Variants in SLC16A9 observed in about 807,000 individuals in gnomAD.
SLC16A9 encodes monocarboxylate transporter 9.
Under a neutral mutation model 44.3 loss-of-function variants are expected in SLC16A9, and 26 were observed. The ratio of observed to expected loss-of-function variants is 0.59; its 90% CI spans 0.43 to 0.81. SLC16A9 has a LOEUF of 0.81. SLC16A9 is among the 40% of genes least tolerant of loss of function. The probability of loss-of-function intolerance (pLI) is 0.00; values close to 1 mark genes in which losing one functional copy is unlikely to be tolerated. For missense variants in SLC16A9, 559 were observed against 595.8 expected, an observed-to-expected ratio of 0.94 and a Z score of 0.64; for synonymous variants, 230 against 225.1, an observed-to-expected ratio of 1.02 and a Z score of -0.19.
At chr10:59,668,372 C>A (rs1839670460) in intron 3 of SLC16A9, among the ~76,000 whole-genome samples, 1 of 152,108 alleles carries the variant, frequency 6.6e-6, no homozygotes, top group African/African-American at 2.4e-5. Flanking sequence ...TCACACCATC[C>A]CCACTCCCCT....
intron 3 of SLC16A9, among the ~76,000 whole-genome samples, chr10:59,666,377 G>C (rs1337433178): frequency 6.6e-6 from 1 of 151,898 alleles, no homozygotes; most frequent in Non-Finnish European, 1.5e-5. Context: ...CCTTAAATCA[G>C]CAGTTGTTAA....
chr10:59,669,016 C>A (rs908455344), intron 3 of SLC16A9, among the ~76,000 whole-genome samples: 3 of 151,994 alleles, frequency 2.0e-5, no homozygotes, highest in African/African-American at 4.8e-5. Flanking sequence ...GTGGACTACG[C>A]AGGTATTACC....
chr10:59,660,584 G>A (rs1416907564), intron 4 of SLC16A9, among the ~76,000 whole-genome samples: 1 of 152,154 alleles, frequency 6.6e-6, no homozygotes, highest in Non-Finnish European at 1.5e-5. Context: ...ACAAAGAGGA[G>A]CTGGCAGCAT....
intron 1 of SLC16A9, among the ~76,000 whole-genome samples, chr10:59,692,323 C>T (rs929802248): frequency 2.6e-5 from 4 of 152,016 alleles, no homozygotes; most frequent in East Asian, 1.9e-4. Context: ...AAACCATGGG[C>T]GAGGAGGTGG....
rs1229608213 is a variant in SLC16A9, at chr10:59,652,573, A to G, written c.*199T>C. ...TGATGGTGTGGGGAGGAGAAATAGA[A>G]AAAAATACGAGATAGAGGCTACGCA... On this transcript the variant is annotated 3_prime_UTR_variant, in exon 6 of 6. Coordinates refer to ENST00000395348, the MANE Select transcript of SLC16A9 (RefSeq NM_194298.3). 2.2e-6 allele frequency: 1 copy of G among 462,940 alleles called. No homozygotes were observed. The highest frequency in any genetic ancestry group is 2.0e-5 in the African/African-American group (1 of 49,220). 28.7% of individuals were successfully genotyped at this position (462,940 alleles called of 1,614,324 possible).
At chr10:59,689,983 GC>G (rs1281950734) in intron 1 of SLC16A9, among the ~76,000 whole-genome samples, 1 of 151,962 alleles carries the variant, frequency 6.6e-6, no homozygotes, top group Non-Finnish European at 1.5e-5. Context: ...CTTCCACTAA[GC>G]CCATTTATCC....
At chr10:59,676,541 AC>A (rs1174227957) in intron 2 of SLC16A9, among the ~76,000 whole-genome samples, 3 of 152,098 alleles carry the variant, frequency 2.0e-5, no homozygotes, top group Non-Finnish European at 4.4e-5. Context: ...GTGATTCCAC[AC>A]CTTTGAACCT....
chr10:59,694,956 T>C (rs1840340546), intron 1 of SLC16A9, among the ~76,000 whole-genome samples: 1 of 151,312 alleles, frequency 6.6e-6, no homozygotes, highest in Admixed American at 6.6e-5. Context: ...ATCTACACAA[T>C]GGACTATTAT....
At chr10:59,666,924 A>G (rs1839632708) in intron 3 of SLC16A9, among the ~76,000 whole-genome samples, 1 of 151,620 alleles carries the variant, frequency 6.6e-6, no homozygotes, top group South Asian at 2.1e-4. Context: ...ATCTGTCACC[A>G]TGCATTTGAC....
intron 1 of SLC16A9, among the ~76,000 whole-genome samples, chr10:59,694,817 T>TATATATATAC (rs145769219): frequency 6.3e-5 from 3 of 47,712 alleles, no homozygotes; most frequent in East Asian, 6.6e-4. Context: ...TATATATATA[T>TATATATATAC]ACACACACAC....
At chr10:59,681,297 T>C (rs188757793) in intron 2 of SLC16A9, among the ~76,000 whole-genome samples, 1 of 151,842 alleles carries the variant, frequency 6.6e-6, no homozygotes, top group African/African-American at 2.4e-5. Flanking sequence ...TGTTTCAGGG[T>C]TTGCATCTTA....
intron 1 of SLC16A9, among the ~76,000 whole-genome samples, chr10:59,686,874 GC>G (rs1462743914): frequency 1.3e-5 from 2 of 152,154 alleles, no homozygotes; most frequent in African/African-American, 2.4e-5. Flanking sequence ...CCTCCACCTT[GC>G]TTTGGTTTCC....
chr10:59,674,325 T>C (rs1296822827), intron 2 of SLC16A9, among the ~76,000 whole-genome samples: 7 of 152,136 alleles, frequency 4.6e-5, no homozygotes, highest in Non-Finnish European at 8.8e-5. Context: ...CTTATACACA[T>C]ATTTAAGACC....
intron 1 of SLC16A9, among the ~76,000 whole-genome samples, chr10:59,694,889 A>G (rs1278101513): frequency 6.7e-6 from 1 of 149,542 alleles, no homozygotes; most frequent in African/African-American, 2.5e-5. Flanking sequence ...TGATAAACAT[A>G]TATAGATAAT....
intron 1 of SLC16A9, among the ~76,000 whole-genome samples, chr10:59,706,024 C>G (rs930007968): frequency 6.6e-6 from 1 of 152,190 alleles, no homozygotes; most frequent in Non-Finnish European, 1.5e-5. Flanking sequence ...CTGTGCTATT[C>G]TCTTGTTCCA....
rs772847891 is a variant in SLC16A9, at chr10:59,652,850, G to A, written c.1452C>T (p.Pro484=). The change falls in exon 6 of 6, where the codon CCC becomes CCT. Residue 484 remains proline, a synonymous_variant. Coordinates refer to ENST00000395348, the MANE Select transcript of SLC16A9 (RefSeq NM_194298.3). ...GGFILLLAAL[P]SWDTCNKQLP... ...GTTGCTTGTTGCATGTATCCCAAGA[G>A]GGCAAGGCTGCCAGCAGCAGAATAA... 1 of 1,614,064 alleles carries A rather than the reference G, an allele frequency of 6.2e-7. No homozygotes were observed. The highest frequency in any genetic ancestry group is 1.1e-5 in the South Asian group (1 of 91,072).
chr10:59,650,990 T>G lies in SLC16A9; in HGVS notation c.*1782A>C, dbSNP rs1477971082. 1 of 143,318 alleles carries G rather than the reference T, an allele frequency of 7.0e-6. No homozygotes were observed. Among genetic ancestry groups the G allele is most frequent in the Non-Finnish European group, 1.5e-5 (1 of 67,820 alleles). The allele number at this position is 143,318 out of a possible 1,614,324, so 8.9% of individuals were successfully genotyped here. ...TTTCAACACAACAAGTAGTTTAGTT[T>G]TTTTTTTTTTTATGTCACTTATTTT... On this transcript the variant is annotated 3_prime_UTR_variant, in exon 6 of 6. Coordinates refer to ENST00000395348, the MANE Select transcript of SLC16A9 (RefSeq NM_194298.3).
chr10:59,693,314 TA>T (rs1840292486), intron 1 of SLC16A9, among the ~76,000 whole-genome samples: 1 of 152,214 alleles, frequency 6.6e-6, no homozygotes. Flanking sequence ...GTAAGTCCTT[TA>T]AAAGTTATAG....
chr10:59,678,300 C>T (rs1453480163), intron 2 of SLC16A9, among the ~76,000 whole-genome samples: 2 of 151,782 alleles, frequency 1.3e-5, no homozygotes, highest in Non-Finnish European at 2.9e-5. Context: ...ATTCAGGGAG[C>T]CCAAGGTGTG....
Sources: allele counts gnomAD v4.1 joint callset (sites outside exome capture counted in the v4.1 genomes callset), GRCh38; gene constraint gnomAD v4.1.1; transcripts MANE v1.5; gene names NCBI Gene and HGNC (gene_info 2026-07-23, HGNC 2026-07-21).